Variants in NEB observed in about 807,000 individuals in gnomAD.
NEB encodes the protein nemaline myopathy type 2.
A neutral mutation model predicts 952.2 loss-of-function variants in NEB; 512 were observed. The ratio of observed to expected loss-of-function variants is 0.54; its 90% confidence interval spans 0.50 to 0.58. The LOEUF (loss-of-function observed/expected upper bound fraction) is 0.58, where lower values mean the gene tolerates loss of function less well. NEB is among the 20% of genes least tolerant of loss of function. The pLI is 0.00. For synonymous variants in NEB, 2,900 were observed against 3,149.8 expected (o/e 0.92, Z 2.66); for missense variants, 8,428 against 9,231.1 (o/e 0.91, Z 3.56).
rs1325831972 is a variant in NEB, at chr2:151,692,350, C to T, written c.1909G>A (p.Glu637Lys). ...TTTGCCTTTGTCTTCTCATAGTTTT[C>T]CTTGTATAATCTCTGTTAAAGGAAA... The part of the protein sequence containing the change: ...AKNQSDRLYK[E>K]NYEKTKAKSM... Residue 637 changes from glutamate (E) to lysine (K), a missense_variant, in exon 21 of 182, where the codon GAA (glutamate) becomes AAA (lysine). Glu to Lys is a moderately conservative substitution (Grantham distance 56, BLOSUM62 1). Transcript: ENST00000397345. 1 of 1,606,348 alleles carries T rather than the reference C, an allele frequency of 6.2e-7. No homozygotes were observed. Among genetic ancestry groups the T allele is most frequent in the African/African-American group, 1.3e-5 (1 of 74,716 alleles).
At chr2:151,706,427 G>C (rs2099706538) in intron 13 of NEB, among the ~76,000 whole-genome samples, 1 of 152,046 alleles carries the variant, frequency 6.6e-6, no homozygotes, top group African/African-American at 2.4e-5. Flanking sequence ...GGCTTAGTCG[G>C]GCTCTTAATA....
chr2:151,498,632 A>G (rs2062021855), intron 169 of NEB, among the ~76,000 whole-genome samples: 1 of 152,216 alleles, frequency 6.6e-6, no homozygotes, highest in Non-Finnish European at 1.5e-5. Context: ...TGAAAGAGCA[A>G]TTAGTCTTTT....
chr2:151,714,733 A>G (rs1015583341), intron 10 of NEB, among the ~76,000 whole-genome samples: 1 of 152,162 alleles, frequency 6.6e-6, no homozygotes, highest in Non-Finnish European at 1.5e-5. Context: ...TTTTTAAAAA[A>G]TTTATTTTTT....
chr2:151,497,846 G>A (rs541247212), intron 170 of NEB, 128 bp from the exon 171 acceptor site: 18 of 1,518,358 alleles, frequency 1.2e-5, no homozygotes, highest in East Asian at 2.5e-5. Context: ...AAATGCCACC[G>A]ACTACTTTAG....
chr2:151,666,463 T>A, intron 40 of NEB, 62 bp from the exon 41 acceptor site: 1 of 1,488,372 alleles, frequency 6.7e-7, no homozygotes, highest in Non-Finnish European at 9.1e-7. Context: ...TAAACTGAAT[T>A]TATACAACAA....
Position 151,680,743 on chromosome 2 carries a change from G to C in NEB, c.3029C>G (p.Ala1010Gly). 3 of 1,602,852 alleles carry C rather than the reference G, an allele frequency of 1.9e-6. No homozygotes were observed. The highest frequency in any genetic ancestry group is 2.6e-6 in the Non-Finnish European group (3 of 1,170,338). The change falls in exon 30 of 182, where the codon GCC (alanine) becomes GGC (glycine). Residue 1010 changes from alanine (A) to glycine (G), a missense_variant. Physicochemically the swap from Ala to Gly is moderately conservative, Grantham distance 60. Coordinates refer to ENST00000397345, the MANE Select transcript of NEB (RefSeq NM_001164508.2). ...PITVQSKINQ[A>G]QRSDIAYKAK... Reference sequence around the variant, plus strand: ...ATTAACACTTACATCACTCCTCTGGGCCTGGTTAATTTTAGACTGTACTGT... The same window carrying C: ...ATTAACACTTACATCACTCCTCTGGCCCTGGTTAATTTTAGACTGTACTGT...
intron 18 of NEB, 42 bp downstream of exon 18, chr2:151,695,536 G>C (rs748965422): frequency 1.4e-6 from 2 of 1,412,310 alleles, no homozygotes. Context: ...TAAAAGCACA[G>C]GTTGTCAGTA....
intron 13 of NEB, among the ~76,000 whole-genome samples, chr2:151,705,743 GA>G (rs540775836): frequency 3.9e-5 from 6 of 152,312 alleles, no homozygotes; most frequent in African/African-American, 1.4e-4. Context: ...ACTCAGCCAT[GA>G]AAATGAATGA....
At chr2:151,626,897 G>A in intron 70 of NEB, 105 bp downstream of exon 70, 1 of 1,360,036 alleles carries the variant, frequency 7.4e-7, no homozygotes, top group East Asian at 2.3e-5. Context: ...ACTATACATT[G>A]GATAGCAATT....
At position 151,617,376 on chromosome 2, in the gene NEB, T is replaced by C. The variant is rs1386328417; in HGVS notation, c.11169A>G (p.Ile3723Met). The C allele has an allele frequency of 6.4e-7, 1 of 1,554,790 alleles. No homozygotes were observed. The highest frequency in any genetic ancestry group is 8.7e-7 in the Non-Finnish European group (1 of 1,144,104). ...ACAGTTTACTTACATCACTGTAGTT[T>C]ATTCGGTTGAGTTTGGCTAACATGA... ...PEIMLAKLNRINYSDKLYKLA... is the reference protein window; with the variant it reads ...PEIMLAKLNRMNYSDKLYKLA... The change falls in exon 75 of 182, where the codon ATA becomes ATG. Residue 3723 changes from isoleucine (I) to methionine (M), a missense_variant. Around this residue, in one of 11 missense-constraint regions of NEB, gnomAD observed 1,772 missense variants for 1,960.3 expected, o/e 0.90. Transcript: ENST00000397345.
At chr2:151,573,428 G>A (rs550414166) in intron 107 of NEB, among the ~76,000 whole-genome samples, 8 of 152,274 alleles carry the variant, frequency 5.3e-5, no homozygotes, top group Admixed American at 1.3e-4. Context: ...GGGAAGAGGC[G>A]TCTATACTGC....
At chr2:151,506,829 A>C (rs2069409919) in intron 163 of NEB, 80 bp downstream of exon 163, 1 of 907,036 alleles carries the variant, frequency 1.1e-6, no homozygotes, top group African/African-American at 1.7e-5. Context: ...TGTGTGTATC[A>C]ATATAAGGCT....
chr2:151,638,408 T>C (rs550973714), intron 63 of NEB, among the ~76,000 whole-genome samples: 1 of 152,150 alleles, frequency 6.6e-6, no homozygotes, highest in Non-Finnish European at 1.5e-5. Flanking sequence ...GCTTGGGATA[T>C]TGGATTTGAA....
Position 151,492,397 on chromosome 2 carries a change from T to G in NEB, c.24863A>C (p.His8288Pro). Residue 8288 changes from histidine to proline, a missense_variant, in exon 177 of 182, where the codon CAC becomes CCC. His to Pro is a moderately conservative substitution (Grantham distance 77). Transcript: ENST00000397345. ...GAATTCCTGACTCACCGTTGAGATG[T>G]GCCGTTGGGTCTCCCTCACCCGTCT... ...EMRRVRETQR[H>P]ISTVKYHEDF... 1 of 1,603,368 alleles carries G rather than the reference T, an allele frequency of 6.2e-7. No homozygotes were observed. Among genetic ancestry groups the G allele is most frequent in the Non-Finnish European group, 8.5e-7 (1 of 1,174,346 alleles).
At chr2:151,627,382 A>G in intron 69 of NEB, 141 bp downstream of exon 69, 1 of 1,429,160 alleles carries the variant, frequency 7.0e-7, no homozygotes, top group Non-Finnish European at 9.4e-7. Context: ...CAAAAAAAGT[A>G]AGGGGAAGAG....
intron 147 of NEB, among the ~76,000 whole-genome samples, chr2:151,527,225 A>G (rs2086759093): frequency 6.6e-6 from 1 of 151,058 alleles, no homozygotes; most frequent in African/African-American, 2.4e-5. Flanking sequence ...CTCCATCCCC[A>G]GTCTTCCCCC....
chr2:151,689,594 G>A lies in NEB; in HGVS notation c.2310+1133C>T, dbSNP rs140134935. The A allele has an allele frequency of 3.1e-3, 465 of 152,260 alleles. 2 individuals are homozygous for A. Among genetic ancestry groups the A allele is most frequent in the African/African-American group, 0.011 (449 of 41,544 alleles). 9.4% of individuals were successfully genotyped at this position (152,260 alleles called of 1,614,324 possible). A position where few individuals can be genotyped will look rare whatever the true frequency, so the allele number is the denominator to read the frequency against. On this transcript the variant is annotated intron_variant, in intron 24 of 181. Coordinates refer to ENST00000397345, the MANE Select transcript of NEB (RefSeq NM_001164508.2). Reference sequence around the variant, plus strand: ...GTGTAAGGAAGGGAGTGTAAAGAACGGATGAGGCTGTTTAATTTTGGAGCC... The same window carrying A: ...GTGTAAGGAAGGGAGTGTAAAGAACAGATGAGGCTGTTTAATTTTGGAGCC...
Position 151,493,576 on chromosome 2 carries a change from T to TA in NEB, c.24673-132dup, listed in dbSNP as rs2058172581. ...ACTGAAGGTAAAGCTATTAAAATGT[T>TA]ACGGTAGGAAGCAAAAGTTTAAGAA... On this transcript the variant is annotated intron_variant, in intron 175 of 181. Coordinates refer to ENST00000397345, the MANE Select transcript of NEB (RefSeq NM_001164508.2). 5.4e-6 allele frequency: 4 copies of TA among 743,956 alleles called. No individual in the cohort carries two copies. In the South Asian group the frequency reaches 8.4e-5, roughly 16 times the overall value. 46.1% of individuals were successfully genotyped at this position (743,956 alleles called of 1,614,324 possible).
chr2:151,662,385 T>C, intron 45 of NEB, 44 bp from the exon 46 acceptor site: 1 of 1,455,272 alleles, frequency 6.9e-7, no homozygotes, highest in Non-Finnish European at 9.3e-7. Flanking sequence ...AACTGGAACT[T>C]CCCAAGAATC....
Sources: allele counts gnomAD v4.1 joint callset (sites outside exome capture counted in the v4.1 genomes callset), GRCh38; gene constraint gnomAD v4.1.1; regional missense constraint gnomAD v4.1.1; transcripts MANE v1.5; gene names NCBI Gene and HGNC (gene_info 2026-07-23, HGNC 2026-07-21).